The following SLC7A14 variants were observed in gnomAD, a reference collection of about 807,000 sequenced individuals.
SLC7A14 encodes gamma-aminobutyric acid transporter SLC7A14.
SLC7A14 carries 37 observed loss-of-function variants against 60.2 expected under a neutral mutation model. The ratio of observed to expected loss-of-function variants is 0.61; its 90% CI spans 0.47 to 0.81. The LOEUF is 0.81. Ranked by LOEUF, SLC7A14 falls within the 30% of genes least tolerant of loss-of-function variation. The pLI, the probability that SLC7A14 is intolerant of heterozygous loss-of-function variation, is 0.00. For synonymous variants in SLC7A14, 399 were observed against 395.8 expected (o/e 1.01, Z -0.10); for missense variants, 886 against 982.7 (o/e 0.90, Z 1.32).
intron 7 of SLC7A14, among the ~76,000 whole-genome samples, chr3:170,479,512 T>C (rs1167941530): frequency 6.6e-6 from 1 of 152,218 alleles, no homozygotes; most frequent in African/African-American, 2.4e-5. Flanking sequence ...TTAGAGAAGG[T>C]ACAGGACTTC....
chr3:170,501,943 T>C (rs1474666076), intron 2 of SLC7A14, among the ~76,000 whole-genome samples: 1 of 152,184 alleles, frequency 6.6e-6, no homozygotes, highest in African/African-American at 2.4e-5. Context: ...TGTGAAGCAC[T>C]GGGTATAAAA....
intron 2 of SLC7A14, among the ~76,000 whole-genome samples, chr3:170,504,400 A>C (rs1683160462): frequency 6.6e-6 from 1 of 151,964 alleles, no homozygotes; most frequent in South Asian, 2.1e-4. Context: ...GGCTCAATGC[A>C]ACCTCCACCT....
At chr3:170,495,078 A>G (rs1423523422) in intron 4 of SLC7A14, among the ~76,000 whole-genome samples, 2 of 152,238 alleles carry the variant, frequency 1.3e-5, no homozygotes, top group Admixed American at 6.5e-5. Context: ...TTCATGGAAT[A>G]CGATGCCAGG....
At chr3:170,495,383 G>T (rs530688877) in intron 4 of SLC7A14, among the ~76,000 whole-genome samples, 1 of 152,126 alleles carries the variant, frequency 6.6e-6, no homozygotes, top group Non-Finnish European at 1.5e-5. Context: ...GCAGCTTCTC[G>T]GCTCCTTCTG....
chr3:170,491,155 G>A (rs1174218980), intron 4 of SLC7A14, among the ~76,000 whole-genome samples: 1 of 152,144 alleles, frequency 6.6e-6, no homozygotes, highest in Non-Finnish European at 1.5e-5. Flanking sequence ...TGTAAGATCC[G>A]AAATGCATTC....
intron 1 of SLC7A14, among the ~76,000 whole-genome samples, chr3:170,551,712 C>A (rs1308586602): frequency 6.6e-6 from 1 of 152,134 alleles, no homozygotes; most frequent in Admixed American, 6.5e-5. Flanking sequence ...CTATTCAAAT[C>A]ATTTGCCCAT....
At chr3:170,493,807 G>A (rs1264571379) in intron 4 of SLC7A14, among the ~76,000 whole-genome samples, 1 of 152,210 alleles carries the variant, frequency 6.6e-6, no homozygotes, top group Admixed American at 6.5e-5. Context: ...AATGTACTAC[G>A]TAGAAATCCA....
chr3:170,518,156 T>A (rs1713228393), intron 2 of SLC7A14, among the ~76,000 whole-genome samples: 2 of 152,076 alleles, frequency 1.3e-5, no homozygotes, highest in South Asian at 4.1e-4. Flanking sequence ...CATCCCTCCC[T>A]CCACAGGGTT....
intron 7 of SLC7A14, among the ~76,000 whole-genome samples, chr3:170,470,274 G>A (rs1435804307): frequency 6.6e-6 from 1 of 150,678 alleles, no homozygotes; most frequent in Non-Finnish European, 1.5e-5. Context: ...AGGTTTACAT[G>A]TGTTCTTTGG....
chr3:170,483,328 G>T lies in SLC7A14; in HGVS notation c.1101C>A (p.Asp367Glu). 1.2e-6 allele frequency: 2 copies of T among 1,614,074 alleles called. No homozygotes were observed. Among genetic ancestry groups the T allele is most frequent in the Non-Finnish European group, 1.7e-6 (2 of 1,179,984 alleles). Residue 367 changes from aspartate (D) to glutamate (E), a missense_variant, in exon 6 of 8, where the codon GAC becomes GAA. Coordinates refer to ENST00000231706, the MANE Select transcript of SLC7A14 (RefSeq NM_020949.3). Reference sequence around the variant, plus strand: ...ATAGCCCTTACCTGAAAAGGAGCCCGTCACCAGCCATGGCATAAATGACCC... The same window carrying T: ...ATAGCCCTTACCTGAAAAGGAGCCCTTCACCAGCCATGGCATAAATGACCC... The part of the protein sequence containing the change: ...MPRVIYAMAG[D>E]GLLFRFLAHV...
chr3:170,524,798 A>G (rs1713442258), intron 2 of SLC7A14, among the ~76,000 whole-genome samples: 1 of 152,238 alleles, frequency 6.6e-6, no homozygotes, highest in African/African-American at 2.4e-5. Context: ...TCAATTCTGA[A>G]GAAACCTCAA....
At chr3:170,518,663 A>G (rs1187112903) in intron 2 of SLC7A14, among the ~76,000 whole-genome samples, 1 of 152,178 alleles carries the variant, frequency 6.6e-6, no homozygotes, top group African/African-American at 2.4e-5. Context: ...TTCTTTGTTT[A>G]GTGAATTATC....
chr3:170,528,282 G>A (rs1713570330), intron 1 of SLC7A14, among the ~76,000 whole-genome samples: 4 of 152,142 alleles, frequency 2.6e-5, no homozygotes, highest in Admixed American at 2.6e-4. Context: ...ACAGTGTTAG[G>A]TAATTTCTAA....
At chr3:170,485,905 C>A (rs1477488408) in intron 5 of SLC7A14, among the ~76,000 whole-genome samples, 1 of 152,186 alleles carries the variant, frequency 6.6e-6, no homozygotes, top group African/African-American at 2.4e-5. Context: ...CCCGTTACTG[C>A]CAGCCTATGA....
chr3:170,505,756 C>T (rs576062040), intron 2 of SLC7A14, among the ~76,000 whole-genome samples: 2 of 152,096 alleles, frequency 1.3e-5, no homozygotes, highest in Non-Finnish European at 2.9e-5. Context: ...GGTGCAGTGG[C>T]GGACGCCTGT....
intron 4 of SLC7A14, chr3:170,496,244 C>T: frequency 3.2e-6 from 3 of 937,988 alleles, no homozygotes; most frequent in Non-Finnish European, 3.5e-6. Context: ...AGGAGATCGC[C>T]AACCGCAGCT....
At chr3:170,552,764 A>G (rs187650162) in intron 1 of SLC7A14, among the ~76,000 whole-genome samples, 2 of 152,344 alleles carry the variant, frequency 1.3e-5, no homozygotes, top group Admixed American at 6.5e-5. Context: ...TGCCTTTTCT[A>G]GCCCATGTCC....
chr3:170,515,320 C>CCA (rs1560266025), intron 2 of SLC7A14, among the ~76,000 whole-genome samples: 32 of 124,740 alleles, frequency 2.6e-4, no homozygotes, highest in African/African-American at 9.4e-4. Flanking sequence ...CCGCCCCCCC[C>CCA]AAAAAAAAAA....
intron 1 of SLC7A14, among the ~76,000 whole-genome samples, chr3:170,580,469 T>C (rs185117118): frequency 6.6e-6 from 1 of 152,326 alleles, no homozygotes; most frequent in East Asian, 1.9e-4. Context: ...TGTTTATTGT[T>C]AAAGCTAGCA....
Sources: gnomAD v4.1 joint callset for allele counts (sites outside exome capture counted in the v4.1 genomes callset) on GRCh38, gnomAD v4.1.1 for gene constraint, MANE v1.5 for transcripts, NCBI Gene and HGNC (gene_info 2026-07-23, HGNC 2026-07-21) for gene names.